BACH2: variants seen among roughly 807,000 people sequenced by gnomAD.
BACH2 encodes transcription regulator protein BACH2.
BACH2 carries 5 observed loss-of-function variants against 61.8 expected under a neutral mutation model. The ratio of observed to expected loss-of-function variants is 0.08; its 90% CI spans 0.04 to 0.17. BACH2 has a LOEUF of 0.17. Ranked by LOEUF, BACH2 falls within the 10% of genes least tolerant of loss-of-function variation. The pLI is 1.00. For synonymous variants in BACH2, 446 were observed against 440.1 expected (o/e 1.01, Z -0.17); for missense variants, 824 against 1,091.1 (o/e 0.76, Z 3.45).
intron 5 of BACH2, among the ~76,000 whole-genome samples, chr6:90,071,003 G>A (rs935082557): frequency 6.6e-6 from 1 of 151,832 alleles, no homozygotes; most frequent in African/African-American, 2.4e-5. Context: ...TTTTTGGGGG[G>A]AAGTCAGAGT....
At chr6:89,969,071 T>TC (rs1775213472) in intron 6 of BACH2, among the ~76,000 whole-genome samples, 3 of 149,556 alleles carry the variant, frequency 2.0e-5, no homozygotes, top group Admixed American at 1.3e-4. Context: ...TTTTTTTTTT[T>TC]AGGCTGAGTT....
chr6:90,062,893 C>T, intron 5 of BACH2: 1 of 984,936 alleles, frequency 1.0e-6, no homozygotes. Flanking sequence ...CCTGGCTCTG[C>T]CAAGACTTGA....
intron 5 of BACH2, among the ~76,000 whole-genome samples, chr6:90,079,507 G>C (rs1406739455): frequency 1.3e-5 from 2 of 152,176 alleles, no homozygotes; most frequent in African/African-American, 4.8e-5. Context: ...TTATGTATGA[G>C]TTGGATCTTT....
chr6:89,973,444 G>C (rs1324480727), intron 6 of BACH2, among the ~76,000 whole-genome samples: 1 of 152,124 alleles, frequency 6.6e-6, no homozygotes. Context: ...CTATGACCAG[G>C]GTCTCCACTT....
intron 1 of BACH2, among the ~76,000 whole-genome samples, chr6:90,273,964 C>A (rs768011490): frequency 1.3e-5 from 2 of 152,186 alleles, no homozygotes; most frequent in African/African-American, 4.8e-5. Context: ...TATAATCAGG[C>A]GTAAACATTA....
intron 5 of BACH2, among the ~76,000 whole-genome samples, chr6:90,056,925 G>A (rs907172788): frequency 4.6e-5 from 7 of 152,144 alleles, no homozygotes; most frequent in Admixed American, 3.9e-4. Flanking sequence ...TGAAATCAAC[G>A]AGGACAAAGA....
chr6:90,180,860 T>TAA (rs1768133831), intron 4 of BACH2, among the ~76,000 whole-genome samples: 1 of 147,182 alleles, frequency 6.8e-6, no homozygotes, highest in African/African-American at 2.5e-5. Context: ...TTATGTGTAT[T>TAA]ACACACACAC....
intron 4 of BACH2, among the ~76,000 whole-genome samples, chr6:90,177,066 G>A (rs1768006438): frequency 6.6e-6 from 1 of 152,042 alleles, no homozygotes; most frequent in Non-Finnish European, 1.5e-5. Flanking sequence ...AGCACATTAT[G>A]TACTCTTTTC....
chr6:90,205,645 G>A lies in BACH2; in HGVS notation c.-162+924C>T, dbSNP rs190355200. On this transcript the variant is annotated intron_variant, in intron 4 of 8. Coordinates refer to ENST00000257749, the MANE Select transcript of BACH2 (RefSeq NM_021813.4). Reference sequence around the variant, plus strand: ...TCTTTGCTGTTCTCTGAGCACACCAGGCTTTCTCATATGCTTTTGTGCCTA... The same window carrying A: ...TCTTTGCTGTTCTCTGAGCACACCAAGCTTTCTCATATGCTTTTGTGCCTA... Among the ~76,000 whole-genome samples, 316 of 152,278 alleles carry A rather than the reference G, an allele frequency of 2.1e-3. 3 individuals carry two copies. The highest frequency in any genetic ancestry group is 7.0e-3 in the African/African-American group (290 of 41,570).
intron 1 of BACH2, among the ~76,000 whole-genome samples, chr6:90,276,690 A>C (rs946138127): frequency 6.6e-6 from 1 of 152,180 alleles, no homozygotes; most frequent in Non-Finnish European, 1.5e-5. Flanking sequence ...TTTGGAATGT[A>C]CCTTCCTGCC....
At chr6:90,144,798 C>T (rs902520148) in intron 4 of BACH2, among the ~76,000 whole-genome samples, 2 of 152,106 alleles carry the variant, frequency 1.3e-5, no homozygotes, top group Non-Finnish European at 2.9e-5. Context: ...TGAGTAAACA[C>T]AAGTTTTTCA....
chr6:90,145,703 A>G (rs1784592195), intron 4 of BACH2, among the ~76,000 whole-genome samples: 1 of 152,200 alleles, frequency 6.6e-6, no homozygotes, highest in South Asian at 2.1e-4. Flanking sequence ...AATCATTCAT[A>G]TTATAATATG....
chr6:89,932,105 T>G lies in BACH2; in HGVS notation c.*303A>C. ...ATGGGCCACTGAGAAAAAAAATCCG[T>G]GGTTGGGGCCTAGAGGTGTTGTAGT... is the stretch of plus-strand genomic sequence containing the variant. On this transcript the variant is annotated 3_prime_UTR_variant, in exon 9 of 9. Transcript: ENST00000257749. 4.1e-6 allele frequency: 1 copy of G among 241,554 alleles called. No homozygotes were observed. 15.0% of individuals were successfully genotyped at this position (241,554 alleles called of 1,614,324 possible). A position where few individuals can be genotyped will look rare whatever the true frequency, so the allele number is the denominator to read the frequency against.
At chr6:90,211,200 G>A (rs1054123440) in intron 3 of BACH2, among the ~76,000 whole-genome samples, 3 of 149,320 alleles carry the variant, frequency 2.0e-5, no homozygotes, top group Admixed American at 2.0e-4. Flanking sequence ...AAGAAAAGAT[G>A]AAAGATATAA....
intron 4 of BACH2, among the ~76,000 whole-genome samples, chr6:90,158,029 T>A (rs1785053699): frequency 6.6e-6 from 1 of 152,080 alleles, no homozygotes; most frequent in African/African-American, 2.4e-5. Context: ...GATGCCTCTC[T>A]GATGAAGGGA....
At chr6:90,091,307 G>A (rs927260381) in intron 4 of BACH2, among the ~76,000 whole-genome samples, 1 of 152,116 alleles carries the variant, frequency 6.6e-6, no homozygotes, top group African/African-American at 2.4e-5. Flanking sequence ...ATTGACACGG[G>A]GAAGGCTATA....
intron 6 of BACH2, among the ~76,000 whole-genome samples, chr6:89,997,676 C>T (rs1231502731): frequency 6.6e-6 from 1 of 152,322 alleles, no homozygotes; most frequent in East Asian, 1.9e-4. Context: ...GTTTTCCTTA[C>T]ACTTCTCTTT....
intron 4 of BACH2, among the ~76,000 whole-genome samples, chr6:90,146,492 A>G (rs1468342023): frequency 6.6e-6 from 1 of 152,220 alleles, no homozygotes; most frequent in Non-Finnish European, 1.5e-5. Context: ...TTCTAAAATG[A>G]AATATAAAAT....
chr6:90,149,090 A>G (rs887270915), intron 4 of BACH2, among the ~76,000 whole-genome samples: 1 of 152,226 alleles, frequency 6.6e-6, no homozygotes, highest in Non-Finnish European at 1.5e-5. Flanking sequence ...CTGAGTAAGT[A>G]GGTGGAGTGG....
Sources: allele counts gnomAD v4.1 joint callset (sites outside exome capture counted in the v4.1 genomes callset), GRCh38; gene constraint gnomAD v4.1.1; transcripts MANE v1.5; gene names NCBI Gene and HGNC (gene_info 2026-07-23, HGNC 2026-07-21).